The following FHIT variants were observed in gnomAD, a reference collection of about 807,000 sequenced individuals.
The protein encoded by FHIT is fragile histidine triad diadenosine triphosphatase, also known as bis(5'-adenosyl)-triphosphatase.
In FHIT, 19 loss-of-function variants were observed where a neutral mutation model predicts 17.9. The observed-to-expected ratio is 1.06, with a 90% CI of 0.74 to 1.56. FHIT has a LOEUF of 1.56. FHIT is among the 40% of genes most tolerant of loss of function. FHIT has a pLI of 0.00. For missense variants in FHIT, 248 were observed against 189.2 expected (o/e 1.31, Z -1.82); for synonymous variants, 81 against 69.7 (o/e 1.16, Z -0.81).
intron 4 of FHIT, among the ~76,000 whole-genome samples, chr3:60,600,133 G>T (rs2856024): frequency 2.0e-5 from 3 of 152,104 alleles, no homozygotes; most frequent in Non-Finnish European, 4.4e-5. Context: ...GGCACTTAGA[G>T]CTCAGTAATC....
intron 3 of FHIT, among the ~76,000 whole-genome samples, chr3:60,859,636 C>T (rs1553750843): frequency 6.7e-6 from 1 of 149,390 alleles, no homozygotes; most frequent in African/African-American, 2.5e-5. Context: ...GAATTTAGAG[C>T]TACAGGATGG....
intron 5 of FHIT, among the ~76,000 whole-genome samples, chr3:60,359,804 C>T (rs1251480359): frequency 1.3e-5 from 2 of 152,084 alleles, no homozygotes; most frequent in African/African-American, 2.4e-5. Context: ...AACAGCATCA[C>T]AGGCAAAGGT....
At chr3:60,498,227 G>A (rs1463201239) in intron 5 of FHIT, among the ~76,000 whole-genome samples, 1 of 152,056 alleles carries the variant, frequency 6.6e-6, no homozygotes, top group East Asian at 1.9e-4. Flanking sequence ...ATCTTTGAAA[G>A]TAAAGTTTTA....
intron 8 of FHIT, among the ~76,000 whole-genome samples, chr3:59,821,824 T>C (rs953571066): frequency 2.6e-5 from 4 of 152,186 alleles, no homozygotes; most frequent in African/African-American, 9.7e-5. Flanking sequence ...TCCATAGGTT[T>C]TTGGGGGAAC....
At chr3:59,808,324 G>C (rs1301682397) in intron 8 of FHIT, among the ~76,000 whole-genome samples, 1 of 152,116 alleles carries the variant, frequency 6.6e-6, no homozygotes. Context: ...ACATGGTAGG[G>C]ATATTGCGGA....
At chr3:60,879,021 G>C (rs1413200762) in intron 3 of FHIT, among the ~76,000 whole-genome samples, 1 of 152,076 alleles carries the variant, frequency 6.6e-6, no homozygotes, top group Non-Finnish European at 1.5e-5. Context: ...GGGATGGCTG[G>C]GTCAAATGGT....
chr3:61,084,308 G>A (rs1420066227), intron 2 of FHIT, among the ~76,000 whole-genome samples: 1 of 152,122 alleles, frequency 6.6e-6, no homozygotes, highest in African/African-American at 2.4e-5. Context: ...CCACATTATA[G>A]TAATTATTGT....
chr3:60,267,035 G>T (rs974969749), intron 5 of FHIT, among the ~76,000 whole-genome samples: 1 of 151,986 alleles, frequency 6.6e-6, no homozygotes, highest in Non-Finnish European at 1.5e-5. Context: ...CATCAAATTT[G>T]CAGTAAAATT....
intron 5 of FHIT, among the ~76,000 whole-genome samples, chr3:60,251,326 G>C (rs562956851): frequency 2.6e-5 from 4 of 152,160 alleles, no homozygotes; most frequent in African/African-American, 9.7e-5. Flanking sequence ...GTAGTACATA[G>C]GGAGTGAGGA....
chr3:60,894,725 A>T (rs1705700393), intron 3 of FHIT, among the ~76,000 whole-genome samples: 1 of 152,198 alleles, frequency 6.6e-6, no homozygotes, highest in African/African-American at 2.4e-5. Flanking sequence ...AAAAATTAAA[A>T]TATTCAAAAC....
intron 5 of FHIT, among the ~76,000 whole-genome samples, chr3:60,061,150 C>A (rs749878870): frequency 6.6e-6 from 1 of 151,244 alleles, no homozygotes; most frequent in African/African-American, 2.4e-5. Flanking sequence ...TAGAGTAGGA[C>A]GTTTTCTAAC....
intron 4 of FHIT, among the ~76,000 whole-genome samples, chr3:60,804,564 G>A (rs554966257): frequency 5.5e-4 from 83 of 152,272 alleles, no homozygotes; most frequent in African/African-American, 1.9e-3. Context: ...GAGTAGGAAC[G>A]AGTCAATGTA....
intron 3 of FHIT, among the ~76,000 whole-genome samples, chr3:60,871,525 T>C (rs1183171373): frequency 6.6e-6 from 1 of 152,210 alleles, no homozygotes; most frequent in African/African-American, 2.4e-5. Flanking sequence ...TATATAATGA[T>C]ACTTTCCAAG....
chr3:60,105,962 T>C (rs1576111268), intron 5 of FHIT, among the ~76,000 whole-genome samples: 1 of 152,170 alleles, frequency 6.6e-6, no homozygotes, highest in South Asian at 2.1e-4. Context: ...GGTCCAAAAA[T>C]ATTAAATGGA....
intron 5 of FHIT, among the ~76,000 whole-genome samples, chr3:60,210,118 C>T (rs777631563): frequency 2.6e-5 from 4 of 152,234 alleles, no homozygotes; most frequent in East Asian, 3.9e-4. Flanking sequence ...AGTTTCTTCA[C>T]TCTTTCCAAA....
chr3:59,814,823 TTTGCTG>T (rs1700538422), intron 8 of FHIT, among the ~76,000 whole-genome samples: 1 of 152,180 alleles, frequency 6.6e-6, no homozygotes, highest in African/African-American at 2.4e-5. Context: ...TGTAGTTCCC[TTTGCTG>T]ACTCTGCTTG....
chr3:60,405,069 C>T (rs1701801386), intron 5 of FHIT, among the ~76,000 whole-genome samples: 1 of 152,120 alleles, frequency 6.6e-6, no homozygotes, highest in Non-Finnish European at 1.5e-5. Flanking sequence ...AGGAGGCAGC[C>T]AAATGCCTAG....
intron 3 of FHIT, among the ~76,000 whole-genome samples, chr3:60,913,792 C>A (rs375679281): frequency 1.3e-5 from 2 of 152,158 alleles, no homozygotes; most frequent in African/African-American, 4.8e-5. Flanking sequence ...CAGTTGGGGG[C>A]TGGCTGGGCC....
intron 5 of FHIT, among the ~76,000 whole-genome samples, chr3:60,019,762 G>C (rs1435547494): frequency 2.0e-5 from 3 of 152,114 alleles, no homozygotes; most frequent in Non-Finnish European, 2.9e-5. Flanking sequence ...TTCACTGTCA[G>C]ATTTTAAAAA....
Sources: allele counts gnomAD v4.1 joint callset (sites outside exome capture counted in the v4.1 genomes callset), GRCh38; gene constraint gnomAD v4.1.1; transcripts MANE v1.5; gene names NCBI Gene and HGNC (gene_info 2026-07-23, HGNC 2026-07-21).